Variants in CSMD3 observed in about 807,000 individuals in gnomAD.
The protein encoded by CSMD3 is CUB and Sushi multiple domains 3.
CSMD3 carries 177 observed loss-of-function variants against 435.2 expected under a neutral mutation model. The observed-to-expected ratio is 0.41, with a 90% confidence interval of 0.36 to 0.46. The LOEUF (loss-of-function observed/expected upper bound fraction) is 0.46, where lower values mean the gene tolerates loss of function less well. Among genes scored for constraint, CSMD3 ranks in the 20% least tolerant of loss-of-function variants. The pLI is 0.34. For synonymous variants in CSMD3, 1,656 were observed against 1,520.5 expected (o/e 1.09, Z -2.07); for missense variants, 4,265 against 4,504.6 (o/e 0.95, Z 1.52).
chr8:112,711,770 TAGAGTCAC>T (rs1344147113), intron 13 of CSMD3, among the ~76,000 whole-genome samples: 1 of 152,162 alleles, frequency 6.6e-6, no homozygotes, highest in Non-Finnish European at 1.5e-5. Context: ...TGTATTTTTT[TAGAGTCAC>T]AGTCTTGCTT....
intron 10 of CSMD3, among the ~76,000 whole-genome samples, chr8:112,874,719 G>C (rs564732509): frequency 5.5e-4 from 83 of 152,134 alleles, no homozygotes; most frequent in South Asian, 1.2e-3. Flanking sequence ...GGCTAGGATT[G>C]CAACCCCTGC....
intron 5 of CSMD3, among the ~76,000 whole-genome samples, chr8:113,080,549 T>G (rs1001873996): frequency 6.6e-6 from 1 of 152,052 alleles, no homozygotes; most frequent in East Asian, 1.9e-4. Flanking sequence ...ATATGATGAG[T>G]ACAATAATAG....
intron 58 of CSMD3, among the ~76,000 whole-genome samples, chr8:112,281,968 C>T (rs1586642699): frequency 1.3e-5 from 2 of 151,890 alleles, no homozygotes; most frequent in African/African-American, 2.4e-5. Context: ...GTTACAAACA[C>T]GAATGTCTTT....
intron 43 of CSMD3, among the ~76,000 whole-genome samples, chr8:112,337,220 CA>C (rs1563807499): frequency 2.6e-5 from 4 of 152,226 alleles, no homozygotes. Context: ...AACTCAGTAG[CA>C]GTATCTGGGT....
chr8:112,884,023 T>A (rs1424591856), intron 10 of CSMD3, among the ~76,000 whole-genome samples: 1 of 151,904 alleles, frequency 6.6e-6, no homozygotes, highest in South Asian at 2.1e-4. Context: ...CACCAGTAAG[T>A]ATCTTTGTAG....
chr8:112,463,440 G>A (rs1586408009), intron 32 of CSMD3, among the ~76,000 whole-genome samples: 1 of 152,166 alleles, frequency 6.6e-6, no homozygotes, highest in South Asian at 2.1e-4. Flanking sequence ...ATGTCTAAGT[G>A]ATGACTACAA....
At chr8:112,434,945 A>G (rs1489360411) in intron 32 of CSMD3, among the ~76,000 whole-genome samples, 1 of 152,126 alleles carries the variant, frequency 6.6e-6, no homozygotes, top group Non-Finnish European at 1.5e-5. Context: ...CGAGTTCACC[A>G]GAGTAGATCT....
chr8:112,998,252 G>C (rs968815388), intron 6 of CSMD3, among the ~76,000 whole-genome samples: 1 of 151,504 alleles, frequency 6.6e-6, no homozygotes, highest in East Asian at 1.9e-4. Context: ...TCATTACCCT[G>C]GAAGAATTAT....
chr8:112,751,937 T>C (rs1401065226), intron 13 of CSMD3, among the ~76,000 whole-genome samples: 1 of 152,160 alleles, frequency 6.6e-6, no homozygotes, highest in Non-Finnish European at 1.5e-5. Context: ...AAATTCTCTA[T>C]GATGTCCCCT....
chr8:112,752,265 T>C (rs1367209981), intron 13 of CSMD3, among the ~76,000 whole-genome samples: 6 of 152,188 alleles, frequency 3.9e-5, no homozygotes, highest in Non-Finnish European at 5.9e-5. Context: ...GCCTCTTTAC[T>C]AACTTCGGTA....
chr8:112,638,604 T>C (rs757821137), intron 21 of CSMD3, 92 bp downstream of exon 21: 2 of 791,536 alleles, frequency 2.5e-6, no homozygotes, highest in Non-Finnish European at 4.2e-6. Flanking sequence ...TCCAGCTATT[T>C]TTCACTGTTT....
intron 3 of CSMD3, among the ~76,000 whole-genome samples, chr8:113,224,979 G>A (rs1299261787): frequency 1.3e-5 from 2 of 151,254 alleles, no homozygotes; most frequent in African/African-American, 4.8e-5. Flanking sequence ...GCAATTTAGA[G>A]CTAAATAAAT....
intron 59 of CSMD3, among the ~76,000 whole-genome samples, chr8:112,274,138 G>A (rs1321489155): frequency 6.6e-6 from 1 of 151,056 alleles, no homozygotes; most frequent in Non-Finnish European, 1.5e-5. Context: ...TAAGTAAGAG[G>A]AATTCAGCTT....
chr8:112,818,312 T>G (rs2079436076), intron 12 of CSMD3, among the ~76,000 whole-genome samples: 1 of 152,152 alleles, frequency 6.6e-6, no homozygotes, highest in African/African-American at 2.4e-5. Flanking sequence ...GAATATAGGC[T>G]GAAGTCATCT....
intron 35 of CSMD3, 58 bp from the exon 36 acceptor site, chr8:112,390,846 G>C (rs2129729356): frequency 6.6e-7 from 1 of 1,504,262 alleles, no homozygotes. Flanking sequence ...ATTAAAATAA[G>C]AGTAAAGGTC....
chr8:112,649,376 T>C (rs2075064009), intron 19 of CSMD3, among the ~76,000 whole-genome samples: 1 of 152,218 alleles, frequency 6.6e-6, no homozygotes, highest in Non-Finnish European at 1.5e-5. Context: ...GTTTAAAAAA[T>C]GATGGCACTG....
chr8:112,829,261 T>C (rs2079792215), intron 12 of CSMD3, among the ~76,000 whole-genome samples: 1 of 152,174 alleles, frequency 6.6e-6, no homozygotes, highest in South Asian at 2.1e-4. Flanking sequence ...TAAGTTCGGC[T>C]TGAGGGCCTA....
At chr8:112,703,017 T>G (rs2076422849) in intron 13 of CSMD3, among the ~76,000 whole-genome samples, 1 of 152,186 alleles carries the variant, frequency 6.6e-6, no homozygotes, top group Non-Finnish European at 1.5e-5. Flanking sequence ...TAATTTATCA[T>G]TGAAATATCA....
chr8:112,710,129 A>G (rs2076580606), intron 13 of CSMD3, among the ~76,000 whole-genome samples: 1 of 152,168 alleles, frequency 6.6e-6, no homozygotes, highest in South Asian at 2.1e-4. Context: ...ACCTCCTGCC[A>G]TAAAGATATG....
Sources: allele counts gnomAD v4.1 joint callset (sites outside exome capture counted in the v4.1 genomes callset), GRCh38; gene constraint gnomAD v4.1.1; transcripts MANE v1.5; gene names NCBI Gene and HGNC (gene_info 2026-07-23, HGNC 2026-07-21).